The following CLTCL1 variants were observed in gnomAD, a reference collection of about 807,000 sequenced individuals.
CLTCL1 encodes clathrin heavy chain 2.
A neutral mutation model predicts 190.0 loss-of-function variants in CLTCL1; 159 were observed. The observed-to-expected ratio is 0.84, with a 90% CI of 0.74 to 0.95. The LOEUF is 0.95. Among genes scored for constraint, CLTCL1 ranks in the 40% least tolerant of loss-of-function variants. The pLI, the probability that CLTCL1 is intolerant of heterozygous loss-of-function variation, is 0.00. For synonymous variants in CLTCL1, 752 were observed against 769.6 expected (o/e 0.98, Z 0.38); for missense variants, 1,878 against 2,033.4 (o/e 0.92, Z 1.47).
intron 26 of CLTCL1, among the ~76,000 whole-genome samples, chr22:19,192,900 C>T (rs535172306): frequency 6.6e-6 from 1 of 152,378 alleles, no homozygotes; most frequent in Admixed American, 6.5e-5. Flanking sequence ...GCTCTAGCAC[C>T]TGTCAGCCTT....
At chr22:19,261,091 C>T (rs1375787646) in intron 2 of CLTCL1, among the ~76,000 whole-genome samples, 2 of 151,672 alleles carry the variant, frequency 1.3e-5, no homozygotes, top group African/African-American at 4.8e-5. Flanking sequence ...TTTCACCTTT[C>T]AAGTCTTATT....
chr22:19,208,330 GATAGGTTA>G lies in CLTCL1; in HGVS notation c.3443-27_3443-20del. 6.2e-7 allele frequency: 1 copy of G among 1,612,080 alleles called. No individual in the cohort carries two copies. Among genetic ancestry groups the G allele is most frequent in the Non-Finnish European group, 8.5e-7 (1 of 1,179,458 alleles). The stretch of plus-strand genomic sequence containing the variant: ...CAGTTGTCTAAAGACAGAAAACAAA[GATAGGTTA>G]ACCCAGAGCTGATAATTTTAAACAA... On this transcript the variant is annotated intron_variant, in intron 21 of 32. Transcript: ENST00000427926.
intron 27 of CLTCL1, among the ~76,000 whole-genome samples, chr22:19,189,871 C>T (rs1475624473): frequency 2.0e-5 from 3 of 152,178 alleles, no homozygotes; most frequent in Non-Finnish European, 4.4e-5. Context: ...TTACGATATC[C>T]GTCACCTCAA....
intron 29 of CLTCL1, among the ~76,000 whole-genome samples, chr22:19,186,587 GATTT>G (rs1476777186): frequency 2.8e-5 from 4 of 145,176 alleles, no homozygotes; most frequent in Admixed American, 1.4e-4. Flanking sequence ...TTTTGAATGT[GATTT>G]ATTTATTTTT....
chr22:19,213,616 G>A (rs1220614974), intron 19 of CLTCL1, among the ~76,000 whole-genome samples: 8 of 152,172 alleles, frequency 5.3e-5, no homozygotes, highest in African/African-American at 7.2e-5. Context: ...AGGCTGATGC[G>A]ATGCACTCAC....
chr22:19,257,740 G>T, intron 2 of CLTCL1: 1 of 1,304,158 alleles, frequency 7.7e-7, no homozygotes, highest in South Asian at 1.1e-5. Context: ...GGTCTGGCAG[G>T]AATAGGGGGC....
chr22:19,244,747 G>T (rs2086364266), intron 3 of CLTCL1, among the ~76,000 whole-genome samples: 1 of 152,238 alleles, frequency 6.6e-6, no homozygotes, highest in Non-Finnish European at 1.5e-5. Context: ...TTAGGCACCT[G>T]CCAGGCTTAC....
chr22:19,259,325 C>T (rs1555974384), intron 2 of CLTCL1, among the ~76,000 whole-genome samples: 1 of 152,048 alleles, frequency 6.6e-6, no homozygotes, highest in Non-Finnish European at 1.5e-5. Context: ...AGGCTGGTCT[C>T]GAACTCCTGA....
At chr22:19,207,010 ATT>A (rs781980213) in intron 22 of CLTCL1, among the ~76,000 whole-genome samples, 123 of 92,758 alleles carry the variant, frequency 1.3e-3, no homozygotes, top group African/African-American at 2.4e-3. Flanking sequence ...TAAACTACTA[ATT>A]TTTTTTTTTT....
chr22:19,238,077 TC>T (rs2086135899), intron 5 of CLTCL1, among the ~76,000 whole-genome samples: 2 of 152,042 alleles, frequency 1.3e-5, no homozygotes, highest in Non-Finnish European at 1.5e-5. Flanking sequence ...TTATTTTTAT[TC>T]TTATTTATTT....
intron 27 of CLTCL1, among the ~76,000 whole-genome samples, chr22:19,188,866 C>T (rs1298203545): frequency 6.6e-6 from 1 of 152,064 alleles, no homozygotes; most frequent in East Asian, 1.9e-4. Flanking sequence ...CTGCCCACCT[C>T]TGCCTGCCAA....
At chr22:19,288,668 C>T (rs2087996162) in intron 1 of CLTCL1, among the ~76,000 whole-genome samples, 1 of 152,270 alleles carries the variant, frequency 6.6e-6, no homozygotes, top group Admixed American at 6.5e-5. Context: ...CCTGCTACTG[C>T]CTCACACACA....
chr22:19,226,438 G>T, intron 11 of CLTCL1, 55 bp from the exon 12 acceptor site: 3 of 1,599,832 alleles, frequency 1.9e-6, no homozygotes, highest in Non-Finnish European at 2.6e-6. Flanking sequence ...AACTTTTTAA[G>T]ACCAGCTGCT....
At chr22:19,272,646 T>C (rs1601710276) in intron 2 of CLTCL1, among the ~76,000 whole-genome samples, 1 of 152,110 alleles carries the variant, frequency 6.6e-6, no homozygotes, top group African/African-American at 2.4e-5. Flanking sequence ...AATTTTTGTA[T>C]TTTTAGTAGA....
chr22:19,283,907 G>T (rs537938152), intron 1 of CLTCL1, among the ~76,000 whole-genome samples: 1 of 150,764 alleles, frequency 6.6e-6, no homozygotes, highest in Non-Finnish European at 1.5e-5. Flanking sequence ...AACAAGAATC[G>T]CTTGAAACCA....
chr22:19,236,693 T>A (rs781942116), intron 5 of CLTCL1, among the ~76,000 whole-genome samples: 1 of 152,122 alleles, frequency 6.6e-6, no homozygotes, highest in Non-Finnish European at 1.5e-5. Flanking sequence ...ATGACTATAG[T>A]CCCAGCTACT....
At chr22:19,239,822 C>G (rs575793207) in intron 4 of CLTCL1, among the ~76,000 whole-genome samples, 132 of 152,288 alleles carry the variant, frequency 8.7e-4, no homozygotes, top group African/African-American at 3.1e-3. Flanking sequence ...ATGGCACAGG[C>G]CTGAGGTTTT....
intron 26 of CLTCL1, among the ~76,000 whole-genome samples, chr22:19,192,777 C>T (rs2084556481): frequency 6.6e-6 from 1 of 152,204 alleles, no homozygotes; most frequent in East Asian, 1.9e-4. Flanking sequence ...CTAGTACCCG[C>T]CACCATGGAT....
At chr22:19,191,143 G>A (rs1444044207) in intron 27 of CLTCL1, among the ~76,000 whole-genome samples, 161 bp downstream of exon 27, 2 of 152,172 alleles carry the variant, frequency 1.3e-5, no homozygotes, top group Non-Finnish European at 2.9e-5. Flanking sequence ...TGATACGGGA[G>A]GTATTCCTGT....
Sources: gnomAD v4.1 joint callset for allele counts (sites outside exome capture counted in the v4.1 genomes callset) on GRCh38, gnomAD v4.1.1 for gene constraint, MANE v1.5 for transcripts, NCBI Gene and HGNC (gene_info 2026-07-23, HGNC 2026-07-21) for gene names.